DNAH12: variants seen among roughly 807,000 people sequenced by gnomAD.
DNAH12 encodes the protein axonemal beta dynein heavy chain 12.
In DNAH12, 285 loss-of-function variants were observed where a neutral mutation model predicts 371.5. The ratio of observed to expected loss-of-function variants is 0.77; its 90% CI spans 0.70 to 0.85. DNAH12 has a LOEUF of 0.85. Ranked by LOEUF, DNAH12 falls within the 40% of genes least tolerant of loss-of-function variation. DNAH12 has a pLI of 0.00. For missense variants in DNAH12, 3,611 were observed against 3,689.4 expected (o/e 0.98, Z 0.55); for synonymous variants, 1,200 against 1,213.0 (o/e 0.99, Z 0.22).
chr3:57,523,546 A>G (rs774838716), intron 4 of DNAH12, 37 bp downstream of exon 4: 1 of 1,548,094 alleles, frequency 6.5e-7, no homozygotes, highest in Admixed American at 1.9e-5. Flanking sequence ...ATTTCTTTGA[A>G]CATTTTCAAA....
chr3:57,533,237 C>T (rs1194285365), intron 2 of DNAH12, among the ~76,000 whole-genome samples: 2 of 151,268 alleles, frequency 1.3e-5, no homozygotes, highest in Admixed American at 1.3e-4. Flanking sequence ...GGGCATTGGG[C>T]TCCCCTCTGG....
intron 52 of DNAH12, among the ~76,000 whole-genome samples, 158 bp downstream of exon 52, chr3:57,379,000 G>A (rs1453973501): frequency 5.3e-5 from 8 of 152,126 alleles, no homozygotes; most frequent in African/African-American, 1.4e-4. Context: ...TATTCTCCTC[G>A]TCTGCTAGGT....
At chr3:57,531,195 G>T (rs1241343552) in intron 2 of DNAH12, among the ~76,000 whole-genome samples, 1 of 152,068 alleles carries the variant, frequency 6.6e-6, no homozygotes, top group Non-Finnish European at 1.5e-5. Context: ...AGCATTTCTT[G>T]TAGGACAGGT....
intron 69 of DNAH12, 115 bp from the exon 70 acceptor site, chr3:57,302,054 G>T: frequency 9.3e-7 from 1 of 1,071,486 alleles, no homozygotes; most frequent in Non-Finnish European, 1.3e-6. Flanking sequence ...TTCCCAAAAT[G>T]TGTCACCTCC....
chr3:57,352,511 A>G (rs557656293), intron 59 of DNAH12, among the ~76,000 whole-genome samples: 2 of 152,238 alleles, frequency 1.3e-5, no homozygotes, highest in Admixed American at 6.5e-5. Flanking sequence ...ACTTCTTGTG[A>G]GTCTGTAAGT....
chr3:57,411,275 C>T (rs1265123888), intron 39 of DNAH12, among the ~76,000 whole-genome samples: 1 of 152,008 alleles, frequency 6.6e-6, no homozygotes, highest in East Asian at 1.9e-4. Flanking sequence ...TGCCTGTAAT[C>T]CCAGCATTTT....
At chr3:57,509,299 T>C in intron 5 of DNAH12, 87 bp from the exon 6 acceptor site, 2 of 1,248,304 alleles carry the variant, frequency 1.6e-6, no homozygotes, top group Non-Finnish European at 2.3e-6. Flanking sequence ...TTTTGGATGG[T>C]ATAGTTTACT....
At chr3:57,496,046 T>C (rs73078590) in intron 11 of DNAH12, among the ~76,000 whole-genome samples, 15,790 of 150,064 alleles carry the variant, frequency 0.11, 984 homozygotes, top group South Asian at 0.15. Flanking sequence ...ATAAAGAATG[T>C]TCATCAAGAA....
In DNAH12 at chr3:57,437,188, CTT is replaced by C. The variant is rs1451763083; in HGVS notation, c.4546-130_4546-129del. The C allele has an allele frequency of 4.5e-6, 3 of 669,810 alleles. No homozygotes were observed. In the African/African-American group the frequency reaches 5.8e-5, roughly 13 times the overall value. The allele number at this position is 669,810 out of a possible 1,614,324, so 41.5% of individuals were successfully genotyped here. A position where few individuals can be genotyped will look rare whatever the true frequency, so the allele number is the denominator to read the frequency against. ...CATCATTGTTTATTATTTCTTAAAA[CTT>C]TATTATTTTTTCAAATCAAGAGGAG... On this transcript the variant is annotated intron_variant, in intron 29 of 73. Transcript: ENST00000495027.
chr3:57,516,434 G>T (rs1293994605), intron 4 of DNAH12, among the ~76,000 whole-genome samples: 1 of 152,014 alleles, frequency 6.6e-6, no homozygotes, highest in African/African-American at 2.4e-5. Context: ...GCTGACCTCT[G>T]TCTAGCAATG....
At chr3:57,522,702 A>G (rs2068494172) in intron 4 of DNAH12, among the ~76,000 whole-genome samples, 1 of 152,174 alleles carries the variant, frequency 6.6e-6, no homozygotes, top group South Asian at 2.1e-4. Flanking sequence ...ATCTGAAAAC[A>G]TGCTGCATGA....
At chr3:57,426,661 C>T (rs1387309009) in intron 34 of DNAH12, among the ~76,000 whole-genome samples, 3 of 151,216 alleles carry the variant, frequency 2.0e-5, no homozygotes, top group South Asian at 2.1e-4. Context: ...AAAACCTCAT[C>T]TCTACAAAAA....
chr3:57,500,162 C>CT (rs1433761619), intron 11 of DNAH12, among the ~76,000 whole-genome samples: 1 of 151,326 alleles, frequency 6.6e-6, no homozygotes, highest in Non-Finnish European at 1.5e-5. Context: ...TCCTCAGCCC[C>CT]CCCTAGTAGC....
rs1448527175 is a variant in DNAH12 at position 57,385,400 on chromosome 3, T to C, written c.7632A>G (p.Glu2544=). The C allele has an allele frequency of 2.0e-5, 3 of 152,232 alleles. No homozygotes were observed. The highest frequency in any genetic ancestry group is 4.8e-5 in the African/African-American group (2 of 41,464). The allele number at this position is 152,232 out of a possible 1,614,324, so 9.4% of individuals were successfully genotyped here. A position where few individuals can be genotyped will look rare whatever the true frequency, so the allele number is the denominator to read the frequency against. ...TAGCTTCCTCCAATTTGGGCTGTAA[T>C]TCAACAAGCTCCATTTGCATTTCAC... ...QVGEMQMELV[E]LQPKLEEAKI... is the part of the protein sequence containing the mutation. The change falls in exon 48 of 74, where the codon GAA becomes GAG. Residue 2544 remains glutamate (E), a synonymous_variant. Transcript: ENST00000495027.
Position 57,293,958 on chromosome 3 carries a change from C to A in DNAH12, c.11706G>T (p.Arg3902=), listed in dbSNP as rs1311371528. The change falls in exon 74 of 74, where the codon CGG becomes CGT. Residue 3902 remains arginine, a synonymous_variant. Coordinates refer to ENST00000495027, the MANE Select transcript of DNAH12 (RefSeq NM_001366028.2). ...IIWIKPTQKS[R]IIKSDAYVCP... ...AGACATAGGCATCCGACTTTATAAT[C>A]CGAGATTTTTGAGCTTGAAAAAAAA... 51 of 1,394,616 alleles carry A rather than the reference C, an allele frequency of 3.7e-5. No individual in the cohort carries two copies. Among genetic ancestry groups the A allele is most frequent in the Non-Finnish European group, 4.7e-5 (50 of 1,064,944 alleles). The allele number at this position is 1,394,616 out of a possible 1,614,324, so 86.4% of individuals were successfully genotyped here. A position where few individuals can be genotyped will look rare whatever the true frequency, so the allele number is the denominator to read the frequency against.
chr3:57,296,274 G>A, intron 72 of DNAH12, 70 bp downstream of exon 72: 1 of 1,207,118 alleles, frequency 8.3e-7, no homozygotes, highest in Non-Finnish European at 1.1e-6. Context: ...TTTTTTTTAA[G>A]CAACAGATTG....
upstream of DNAH12, among the ~76,000 whole-genome samples, chr3:57,546,660 T>C (rs1280642768): frequency 1.3e-5 from 2 of 152,190 alleles, no homozygotes; most frequent in Admixed American, 6.5e-5. Context: ...TCAATTTGGT[T>C]AGGCTAAATT....
At chr3:57,526,750 C>T (rs1249109646) in intron 2 of DNAH12, among the ~76,000 whole-genome samples, 1 of 151,824 alleles carries the variant, frequency 6.6e-6, no homozygotes, top group African/African-American at 2.4e-5. Context: ...GTCTCGATTT[C>T]CTGACCTTGT....
intron 70 of DNAH12, among the ~76,000 whole-genome samples, chr3:57,299,787 G>A (rs1161646333): frequency 1.4e-5 from 1 of 74,064 alleles, no homozygotes; most frequent in Admixed American, 1.6e-4. Flanking sequence ...AGACTTTCCA[G>A]CCTCCAGAGC....
Sources: gnomAD v4.1 joint callset for allele counts (sites outside exome capture counted in the v4.1 genomes callset) on GRCh38, gnomAD v4.1.1 for gene constraint, MANE v1.5 for transcripts, NCBI Gene and HGNC (gene_info 2026-07-23, HGNC 2026-07-21) for gene names.